APOBEC2: variants seen among roughly 807,000 people sequenced by gnomAD.
APOBEC2 encodes C->U-editing enzyme APOBEC-2.
Under a neutral mutation model 19.4 loss-of-function variants are expected in APOBEC2, and 14 were observed. The ratio of observed to expected loss-of-function variants is 0.72; its 90% CI spans 0.48 to 1.13. The LOEUF (loss-of-function observed/expected upper bound fraction) is 1.13, where lower values mean the gene tolerates loss of function less well. Among genes scored for constraint, APOBEC2 ranks in the 50% most tolerant of loss-of-function variants. APOBEC2 has a pLI of 0.00. For missense variants in APOBEC2, 304 were observed against 277.0 expected (o/e 1.10, Z -0.69); for synonymous variants, 127 against 112.1 (o/e 1.13, Z -0.84).
intron 1 of APOBEC2, among the ~76,000 whole-genome samples, chr6:41,054,819 G>T (rs942615592): frequency 1.3e-5 from 2 of 152,160 alleles, no homozygotes; most frequent in African/African-American, 4.8e-5. Flanking sequence ...ACCTAAGCAT[G>T]CTGGTATACG....
chr6:41,062,802 A>G (rs1237994493), intron 2 of APOBEC2, among the ~76,000 whole-genome samples: 1 of 152,216 alleles, frequency 6.6e-6, no homozygotes, highest in Non-Finnish European at 1.5e-5. Context: ...CCCTCAGGAA[A>G]GAGGGCTAAA....
chr6:41,061,610 C>G lies in APOBEC2; in HGVS notation c.414C>G (p.Thr138=), dbSNP rs370063967. ...CGTGTGCTGACCGCATTATCAAAAC[C>G]CTTAGCAAGACCAAGAACCTGCGTC... ...CAACADRIIK[T]LSKTKNLRLL... The change falls in exon 2 of 3, where the codon ACC becomes ACG. Residue 138 remains threonine, a synonymous_variant. Transcript: ENST00000244669. 6.2e-6 allele frequency: 10 copies of G among 1,614,088 alleles called. No homozygotes were observed. The African/African-American group carries it at 1.2e-4, about 19-fold the overall frequency.
chr6:41,061,571 C>G lies in APOBEC2; in HGVS notation c.375C>G (p.Ser125=). The G allele has an allele frequency of 2.5e-6, 4 of 1,614,238 alleles. No homozygotes were observed. In the South Asian group the frequency reaches 4.4e-5, roughly 18 times the overall value. Residue 125 remains serine, a synonymous_variant, in exon 2 of 3, where the codon TCC becomes TCG. Coordinates refer to ENST00000244669, the MANE Select transcript of APOBEC2 (RefSeq NM_006789.4). The stretch of plus-strand genomic sequence containing the variant: ...ACAATGTCACCTGGTATGTGTCCTC[C>G]AGCCCCTGTGCAGCGTGTGCTGACC... ...LRYNVTWYVS[S]SPCAACADRI... is the part of the protein sequence containing the mutation.
At chr6:41,058,705 C>A (rs950370680) in intron 1 of APOBEC2, among the ~76,000 whole-genome samples, 3 of 152,136 alleles carry the variant, frequency 2.0e-5, no homozygotes, top group African/African-American at 7.2e-5. Context: ...CCTGGTTTCC[C>A]CCCAGGACGT....
intron 1 of APOBEC2, among the ~76,000 whole-genome samples, chr6:41,057,870 C>G (rs1762814618): frequency 6.6e-6 from 1 of 152,142 alleles, no homozygotes; most frequent in Non-Finnish European, 1.5e-5. Context: ...CTCCATCAAG[C>G]AGATTATCTT....
intron 2 of APOBEC2, among the ~76,000 whole-genome samples, chr6:41,063,572 T>C (rs1187936161): frequency 9.1e-6 from 1 of 110,146 alleles, no homozygotes; most frequent in East Asian, 3.0e-4. Context: ...ATTTCAAATA[T>C]AACTGTATTA....
At chr6:41,053,568 G>A (rs756555180) in intron 1 of APOBEC2, 90 bp downstream of exon 1, 23 of 1,562,790 alleles carry the variant, frequency 1.5e-5, no homozygotes, top group South Asian at 9.4e-5. Flanking sequence ...TATATTAGGC[G>A]TCAGGGACAG....
Position 41,061,593 on chromosome 6 carries a change from G to A in APOBEC2, c.397G>A (p.Asp133Asn), listed in dbSNP as rs189032144. The A allele has an allele frequency of 1.9e-6, 3 of 1,614,208 alleles. No individual in the cohort carries two copies. Among genetic ancestry groups the A allele is most frequent in the Middle Eastern group, 1.6e-4 (1 of 6,062 alleles). The change falls in exon 2 of 3, where the codon GAC (aspartate) becomes AAC (asparagine). Residue 133 changes from aspartate to asparagine, a missense_variant. By Grantham distance (23) the Asp-to-Asn change is conservative. Coordinates refer to ENST00000244669, the MANE Select transcript of APOBEC2 (RefSeq NM_006789.4). Reference protein sequence around the residue: ...VSSSPCAACADRIIKTLSKTK... With the variant: ...VSSSPCAACANRIIKTLSKTK... ...CTCCAGCCCCTGTGCAGCGTGTGCTGACCGCATTATCAAAACCCTTAGCAA... is the reference window on the plus strand; with the variant it reads ...CTCCAGCCCCTGTGCAGCGTGTGCTAACCGCATTATCAAAACCCTTAGCAA...
rs749493226 is a variant in APOBEC2, at chr6:41,061,782, G to A, written c.586G>A (p.Glu196Lys). Residue 196 changes from glutamate to lysine, a missense_variant, in exon 2 of 3, where the codon GAG becomes AAG. By Grantham distance (56) the Glu-to-Lys change is moderately conservative. Transcript: ENST00000244669. The stretch of plus-strand genomic sequence containing the variant: ...CTGGCAGAATTTTGTGGAGCAAGAA[G>A]AGGGTGAATCCAAGGCCTTTCAGCC... Reference protein sequence around the residue: ...YVWQNFVEQEEGESKAFQPWE... With the variant: ...YVWQNFVEQEKGESKAFQPWE... 3.1e-6 allele frequency: 5 copies of A among 1,614,230 alleles called. No homozygotes were observed. The highest frequency in any genetic ancestry group is 4.2e-6 in the Non-Finnish European group (5 of 1,180,048).
chr6:41,058,149 CCCCA>C (rs767456814), intron 1 of APOBEC2, among the ~76,000 whole-genome samples: 7,313 of 103,862 alleles, frequency 0.07, 688 homozygotes, highest in Middle Eastern at 0.11. Context: ...CACCACCCCA[CCCCA>C]CACACACACA....
At chr6:41,062,957 A>G (rs941138768) in intron 2 of APOBEC2, among the ~76,000 whole-genome samples, 1 of 152,222 alleles carries the variant, frequency 6.6e-6, no homozygotes, top group Non-Finnish European at 1.5e-5. Flanking sequence ...CTCTTACCCA[A>G]CTTTAATCCT....
chr6:41,061,318 T>C lies in APOBEC2; in HGVS notation c.132-10T>C, dbSNP rs781153765. On this transcript the variant is annotated splice_polypyrimidine_tract_variant and intron_variant, in intron 1 of 2. Coordinates refer to ENST00000244669, the MANE Select transcript of APOBEC2 (RefSeq NM_006789.4). ...ATTCTTTCCTGTCCTTTTGTCTCCT[T>C]GACCTACAGAGAACGGCTGCCTGCC... 16 of 1,519,204 alleles carry C rather than the reference T, an allele frequency of 1.1e-5. No homozygotes were observed. The highest frequency in any genetic ancestry group is 8.8e-7 in the Non-Finnish European group (1 of 1,134,626). 94.1% of individuals were successfully genotyped at this position (1,519,204 alleles called of 1,614,324 possible).
rs1438566864 is a variant in APOBEC2, at chr6:41,053,305, C to A, written c.-43C>A. The A allele has an allele frequency of 7.5e-6, 12 of 1,600,064 alleles. No individual in the cohort carries two copies. The highest frequency in any genetic ancestry group is 1.3e-5 in the African/African-American group (1 of 74,564). ...CCAGGGCCTGGCCCAGACCTGCCTG[C>A]CTCTCTCCTCTCCCTCAGTGACTCC... On this transcript the variant is annotated 5_prime_UTR_variant, in exon 1 of 3. Coordinates refer to ENST00000244669, the MANE Select transcript of APOBEC2 (RefSeq NM_006789.4).
intron 1 of APOBEC2, among the ~76,000 whole-genome samples, chr6:41,054,788 G>C (rs561033322): frequency 5.2e-4 from 79 of 152,340 alleles, no homozygotes; most frequent in African/African-American, 1.8e-3. Context: ...CTTTCTTATG[G>C]AAGGAGAGCC....
In APOBEC2 at chr6:41,061,785, G is replaced by A. The variant is rs976731769; in HGVS notation, c.589G>A (p.Gly197Ser). Residue 197 changes from glycine (G) to serine (S), a missense_variant, in exon 2 of 3, where the codon GGT becomes AGT. Physicochemically the swap from Gly to Ser is moderately conservative, Grantham distance 56 (BLOSUM62 0). Transcript: ENST00000244669. ...VWQNFVEQEE[G>S]ESKAFQPWED... is the part of the protein sequence containing the mutation. ...GCAGAATTTTGTGGAGCAAGAAGAG[G>A]GTGAATCCAAGGCCTTTCAGCCCTG... 1 of 1,614,178 alleles carries A rather than the reference G, an allele frequency of 6.2e-7. No individual in the cohort carries two copies. Among genetic ancestry groups the A allele is most frequent in the Non-Finnish European group, 8.5e-7 (1 of 1,180,040 alleles).
intron 1 of APOBEC2, among the ~76,000 whole-genome samples, chr6:41,061,042 T>C (rs943967224): frequency 3.3e-5 from 5 of 152,010 alleles, no homozygotes; most frequent in African/African-American, 1.2e-4. Context: ...AATGTAGGGG[T>C]ATGTTGTGCT....
intron 1 of APOBEC2, among the ~76,000 whole-genome samples, chr6:41,054,093 C>T (rs965551845): frequency 6.6e-6 from 1 of 152,160 alleles, no homozygotes; most frequent in Non-Finnish European, 1.5e-5. Context: ...AGCCCAGGAG[C>T]TTATGGACAC....
chr6:41,059,528 G>A (rs955483556), intron 1 of APOBEC2, among the ~76,000 whole-genome samples: 6 of 152,138 alleles, frequency 3.9e-5, no homozygotes, highest in African/African-American at 1.2e-4. Flanking sequence ...AACATCAGGC[G>A]ATCCATTCTC....
rs1163925385 is a variant in APOBEC2 at position 41,061,801 on chromosome 6, T to C, written c.605T>C (p.Phe202Ser). 2.5e-6 allele frequency: 4 copies of C among 1,614,182 alleles called. No homozygotes were observed. The Admixed American group carries it at 6.7e-5, about 27-fold the overall frequency. ...VEQEEGESKA[F>S]QPWEDIQENF... The stretch of plus-strand genomic sequence containing the variant: ...CAAGAAGAGGGTGAATCCAAGGCCT[T>C]TCAGCCCTGGGAGGACATTCAGGAG... Residue 202 changes from phenylalanine to serine, a missense_variant, in exon 2 of 3, where the codon TTT (phenylalanine) becomes TCT (serine). Phe to Ser is a radical substitution (Grantham distance 155). Transcript: ENST00000244669.
Sources: allele counts gnomAD v4.1 joint callset (sites outside exome capture counted in the v4.1 genomes callset), GRCh38; gene constraint gnomAD v4.1.1; transcripts MANE v1.5; gene names NCBI Gene and HGNC (gene_info 2026-07-23, HGNC 2026-07-21).